KCNK1: variants seen among roughly 807,000 people sequenced by gnomAD.
The protein encoded by KCNK1 is potassium channel subfamily K member 1.
KCNK1 carries 10 observed loss-of-function variants against 22.2 expected under a neutral mutation model. The ratio of observed to expected loss-of-function variants is 0.45; its 90% CI spans 0.28 to 0.76. KCNK1 has a LOEUF of 0.76. Among genes scored for constraint, KCNK1 ranks in the 30% least tolerant of loss-of-function variants. KCNK1 has a pLI of 0.14. For missense variants in KCNK1, 378 were observed against 421.0 expected (o/e 0.90, Z 0.89); for synonymous variants, 200 against 186.4 (o/e 1.07, Z -0.60).
chr1:233,669,494 C>G (rs1444994801), intron 2 of KCNK1, among the ~76,000 whole-genome samples: 1 of 151,958 alleles, frequency 6.6e-6, no homozygotes, highest in Non-Finnish European at 1.5e-5. Context: ...GATAAAATAC[C>G]CCTGTTTTTG....
chr1:233,665,268 G>A (rs1030188287), intron 1 of KCNK1, among the ~76,000 whole-genome samples: 1 of 152,198 alleles, frequency 6.6e-6, no homozygotes, highest in African/African-American at 2.4e-5. Context: ...GTATTCTCAT[G>A]AGCGGTACAG....
intron 1 of KCNK1, among the ~76,000 whole-genome samples, chr1:233,654,379 G>A (rs1331512589): frequency 2.0e-5 from 3 of 152,140 alleles, no homozygotes; most frequent in Admixed American, 6.5e-5. Context: ...TTTAAAAAGC[G>A]TCAGAGAACT....
intron 1 of KCNK1, among the ~76,000 whole-genome samples, chr1:233,648,672 T>C (rs1658145154): frequency 6.6e-6 from 1 of 152,088 alleles, no homozygotes; most frequent in Non-Finnish European, 1.5e-5. Flanking sequence ...GTTCAAGCCA[T>C]TCTCCTGCCT....
chr1:233,632,135 A>G (rs1483076264), intron 1 of KCNK1, among the ~76,000 whole-genome samples: 2 of 152,206 alleles, frequency 1.3e-5, no homozygotes, highest in African/African-American at 2.4e-5. Flanking sequence ...ATTTGGCTGA[A>G]AAGCTTCTTA....
At chr1:233,661,836 A>G (rs1460962918) in intron 1 of KCNK1, 2 of 152,258 alleles carry the variant, frequency 1.3e-5, no homozygotes, top group Non-Finnish European at 2.9e-5. Context: ...TTTTAAAAAT[A>G]TGAAACAACT....
At chr1:233,641,316 T>C (rs544013692) in intron 1 of KCNK1, among the ~76,000 whole-genome samples, 3 of 152,342 alleles carry the variant, frequency 2.0e-5, no homozygotes, top group South Asian at 2.1e-4. Context: ...TCAAATTTCA[T>C]AGGCTTCTAC....
At chr1:233,648,478 T>C (rs1297985200) in intron 1 of KCNK1, among the ~76,000 whole-genome samples, 2 of 152,192 alleles carry the variant, frequency 1.3e-5, no homozygotes, top group African/African-American at 4.8e-5. Flanking sequence ...ACATTTTTTT[T>C]TTAACCATGA....
At chr1:233,649,971 A>G (rs747236644) in intron 1 of KCNK1, 1 of 533,456 alleles carries the variant, frequency 1.9e-6, no homozygotes, top group Non-Finnish European at 3.8e-6. Context: ...TGATTTGGTT[A>G]GAAGATTGTT....
At chr1:233,646,653 T>C (rs1227971194) in intron 1 of KCNK1, among the ~76,000 whole-genome samples, 4 of 151,994 alleles carry the variant, frequency 2.6e-5, no homozygotes, top group African/African-American at 9.7e-5. Flanking sequence ...AGGGTTCTAA[T>C]GTGGTGGGGT....
At chr1:233,643,901 T>C (rs960845935) in intron 1 of KCNK1, among the ~76,000 whole-genome samples, 3 of 151,858 alleles carry the variant, frequency 2.0e-5, no homozygotes, top group Non-Finnish European at 4.4e-5. Flanking sequence ...TTACCCGGGG[T>C]CCCACAATTC....
chr1:233,635,771 T>A (rs56317222), intron 1 of KCNK1, among the ~76,000 whole-genome samples: 9,582 of 152,246 alleles, frequency 0.063, 896 homozygotes, highest in African/African-American at 0.21. Flanking sequence ...ATTCCTGCTA[T>A]GTAATATCTA....
chr1:233,616,462 A>G (rs943542514), intron 1 of KCNK1, among the ~76,000 whole-genome samples: 1 of 152,170 alleles, frequency 6.6e-6, no homozygotes, highest in African/African-American at 2.4e-5. Flanking sequence ...TGTTTAAGAA[A>G]GGGGTGGGGT....
chr1:233,660,871 A>C (rs1341073238), intron 1 of KCNK1, among the ~76,000 whole-genome samples: 3 of 152,174 alleles, frequency 2.0e-5, no homozygotes, highest in African/African-American at 7.2e-5. Context: ...CTTTTGATGC[A>C]TCCGTGTCCT....
intron 1 of KCNK1, among the ~76,000 whole-genome samples, chr1:233,630,321 A>G (rs1657770146): frequency 1.3e-5 from 2 of 152,202 alleles, no homozygotes; most frequent in East Asian, 1.9e-4. Flanking sequence ...TTCAGTTCCT[A>G]CGTCACTGAG....
chr1:233,644,509 A>C (rs1056087418), intron 1 of KCNK1, among the ~76,000 whole-genome samples: 1 of 152,224 alleles, frequency 6.6e-6, no homozygotes, highest in African/African-American at 2.4e-5. Context: ...GGGGGCTACA[A>C]CAAATTGAAA....
intron 1 of KCNK1, among the ~76,000 whole-genome samples, chr1:233,635,220 T>C (rs988767070): frequency 6.6e-6 from 1 of 152,228 alleles, no homozygotes; most frequent in African/African-American, 2.4e-5. Context: ...ATGTACTTGG[T>C]TGGATGGGGA....
chr1:233,662,320 A>G (rs1345708189), intron 1 of KCNK1, among the ~76,000 whole-genome samples: 1 of 150,522 alleles, frequency 6.6e-6, no homozygotes, highest in African/African-American at 2.5e-5. Context: ...GCATGTATCA[A>G]GCTAACTTAA....
intron 1 of KCNK1, among the ~76,000 whole-genome samples, chr1:233,643,616 T>C (rs1658039920): frequency 6.6e-6 from 1 of 152,140 alleles, no homozygotes; most frequent in Non-Finnish European, 1.5e-5. Context: ...TTGGACCTCA[T>C]AAATGGGTGT....
intron 2 of KCNK1, among the ~76,000 whole-genome samples, chr1:233,668,056 A>G (rs1233991483): frequency 6.6e-6 from 1 of 152,226 alleles, no homozygotes; most frequent in Admixed American, 6.5e-5. Flanking sequence ...TTTAAATTCA[A>G]TGTAATATCA....
Sources: gnomAD v4.1 joint callset for allele counts (sites outside exome capture counted in the v4.1 genomes callset) on GRCh38, gnomAD v4.1.1 for gene constraint, MANE v1.5 for transcripts, NCBI Gene and HGNC (gene_info 2026-07-23, HGNC 2026-07-21) for gene names.